The following KCNH5 variants were observed in gnomAD, a reference collection of about 807,000 sequenced individuals.
KCNH5 encodes potassium voltage-gated channel subfamily H member 5, also known as voltage-gated delayed rectifier potassium channel KCNH5.
KCNH5 carries 46 observed loss-of-function variants against 96.1 expected under a neutral mutation model. The observed-to-expected ratio is 0.48, with a 90% CI of 0.38 to 0.61. The LOEUF is 0.61. KCNH5 is among the 20% of genes least tolerant of loss of function. KCNH5 has a pLI of 0.00. For synonymous variants in KCNH5, 439 were observed against 449.8 expected (o/e 0.98, Z 0.30); for missense variants, 907 against 1,225.8 (o/e 0.74, Z 3.88).
chr14:62,833,719 T>C (rs537820113), intron 8 of KCNH5, among the ~76,000 whole-genome samples: 4 of 152,184 alleles, frequency 2.6e-5, no homozygotes, highest in African/African-American at 9.6e-5. Flanking sequence ...AAAGGAGAGA[T>C]CAAACTAATT....
intron 7 of KCNH5, among the ~76,000 whole-genome samples, chr14:62,921,955 A>G (rs1889387800): frequency 6.6e-6 from 1 of 152,084 alleles, no homozygotes; most frequent in South Asian, 2.1e-4. Context: ...AAAGCTTAAA[A>G]CATGCTTGCA....
chr14:62,858,944 A>G (rs566052738), intron 7 of KCNH5, among the ~76,000 whole-genome samples: 2 of 152,202 alleles, frequency 1.3e-5, no homozygotes, highest in South Asian at 4.1e-4. Flanking sequence ...TGGTAAGACC[A>G]GTGAATTCCA....
In KCNH5 at chr14:62,705,600, A is replaced by G. The variant is rs1323012064; in HGVS notation, c.*1908T>C. On this transcript the variant is annotated 3_prime_UTR_variant, in exon 11 of 11. Coordinates refer to ENST00000322893, the MANE Select transcript of KCNH5 (RefSeq NM_139318.5). ...ATGGTTAATGGAAGTTATACGCATA[A>G]AGAAAGGAAAATGGAGCCCATGGCT... The G allele has an allele frequency of 1.3e-5, 2 of 152,030 alleles. No homozygotes were observed. The highest frequency in any genetic ancestry group is 3.8e-4 in the East Asian group (2 of 5,198). The allele number at this position is 152,030 out of a possible 1,614,324, so 9.4% of individuals were successfully genotyped here. A position where few individuals can be genotyped will look rare whatever the true frequency, so the allele number is the denominator to read the frequency against.
At chr14:62,814,241 C>T (rs1366494211) in intron 8 of KCNH5, among the ~76,000 whole-genome samples, 2 of 152,092 alleles carry the variant, frequency 1.3e-5, no homozygotes, top group Non-Finnish European at 2.9e-5. Context: ...ATTAGTTTTG[C>T]AGTAACAACA....
intron 7 of KCNH5, among the ~76,000 whole-genome samples, chr14:62,875,907 T>C (rs7145082): frequency 0.19 from 29,099 of 152,088 alleles, 3,210 homozygotes; most frequent in East Asian, 0.28. Flanking sequence ...CTATGGCTCA[T>C]GCCTGTATCC....
chr14:63,000,778 A>G (rs2139590410), intron 4 of KCNH5, among the ~76,000 whole-genome samples: 1 of 152,318 alleles, frequency 6.6e-6, no homozygotes, highest in East Asian at 1.9e-4. Context: ...TATTGATTCA[A>G]AATTAACAAT....
At position 62,892,558 on chromosome 14, in the gene KCNH5, A is replaced by G. The variant is rs543574449; in HGVS notation, c.1370-42706T>C. Among the ~76,000 whole-genome samples, 4 of 152,372 alleles carry G rather than the reference A, an allele frequency of 2.6e-5. No individual in the cohort carries two copies. In the South Asian group the frequency reaches 6.2e-4, roughly 24 times the overall value. ...GGCTACACTAAACAACAAATTTTCA[A>G]TGTAAATGAAATGGCCCTCTTTTGG... On this transcript the variant is annotated intron_variant, in intron 7 of 10. Coordinates refer to ENST00000322893, the MANE Select transcript of KCNH5 (RefSeq NM_139318.5).
At chr14:62,745,287 A>C (rs1322740109) in intron 10 of KCNH5, among the ~76,000 whole-genome samples, 3 of 152,178 alleles carry the variant, frequency 2.0e-5, no homozygotes, top group Non-Finnish European at 4.4e-5. Context: ...GGCCTGTGTT[A>C]TCCTAAACAT....
chr14:63,022,421 T>G (rs1347568812), intron 1 of KCNH5, among the ~76,000 whole-genome samples: 2 of 152,158 alleles, frequency 1.3e-5, no homozygotes, highest in African/African-American at 4.8e-5. Flanking sequence ...CAATGGATTT[T>G]TTATACTGAA....
intron 10 of KCNH5, among the ~76,000 whole-genome samples, chr14:62,736,259 G>GT (rs1233674453): frequency 1.3e-5 from 2 of 152,124 alleles, no homozygotes; most frequent in African/African-American, 4.8e-5. Context: ...CTCTTAAACT[G>GT]TAAGTTAGAT....
At chr14:62,936,765 C>T (rs1889690827) in intron 7 of KCNH5, among the ~76,000 whole-genome samples, 1 of 151,360 alleles carries the variant, frequency 6.6e-6, no homozygotes, top group African/African-American at 2.4e-5. Context: ...ATCACGAGGT[C>T]AGGAGTTCAA....
At chr14:62,852,258 G>A (rs1373912695) in intron 7 of KCNH5, among the ~76,000 whole-genome samples, 1 of 152,084 alleles carries the variant, frequency 6.6e-6, no homozygotes, top group Non-Finnish European at 1.5e-5. Flanking sequence ...TTGCCCTATT[G>A]TGCTACTGAA....
chr14:62,847,153 T>TTA (rs556847691), intron 8 of KCNH5, among the ~76,000 whole-genome samples: 345 of 147,074 alleles, frequency 2.3e-3, no homozygotes, highest in Non-Finnish European at 2.9e-3. Flanking sequence ...TATATATTTT[T>TTA]TATATATATA....
intron 10 of KCNH5, among the ~76,000 whole-genome samples, chr14:62,778,685 T>A (rs1886148118): frequency 6.6e-6 from 1 of 152,276 alleles, no homozygotes; most frequent in Non-Finnish European, 1.5e-5. Flanking sequence ...AGTCTGTGTG[T>A]TCTCTACAGC....
chr14:62,896,763 T>A (rs1240596140), intron 7 of KCNH5, among the ~76,000 whole-genome samples: 1 of 152,182 alleles, frequency 6.6e-6, no homozygotes, highest in African/African-American at 2.4e-5. Context: ...GTCTTTTCAG[T>A]CCCAGTAACT....
At chr14:62,753,199 G>A (rs1357588035) in intron 10 of KCNH5, among the ~76,000 whole-genome samples, 1 of 152,138 alleles carries the variant, frequency 6.6e-6, no homozygotes, top group African/African-American at 2.4e-5. Flanking sequence ...GTTGAAAAAT[G>A]CAAATGACAT....
chr14:62,992,421 G>A (rs191254298), intron 4 of KCNH5, among the ~76,000 whole-genome samples: 1 of 152,090 alleles, frequency 6.6e-6, no homozygotes, highest in East Asian at 1.9e-4. Context: ...CATTGAGGTT[G>A]TACTAACCTA....
intron 10 of KCNH5, among the ~76,000 whole-genome samples, chr14:62,755,733 A>G (rs1885607935): frequency 6.6e-6 from 1 of 152,230 alleles, no homozygotes; most frequent in African/African-American, 2.4e-5. Context: ...GAATAATTCA[A>G]CAACACATTT....
intron 8 of KCNH5, among the ~76,000 whole-genome samples, chr14:62,815,156 A>C (rs1337636945): frequency 6.6e-6 from 1 of 152,218 alleles, no homozygotes; most frequent in African/African-American, 2.4e-5. Context: ...TCTCAACAAC[A>C]TAATGTTGAC....
Sources: gnomAD v4.1 joint callset for allele counts (sites outside exome capture counted in the v4.1 genomes callset) on GRCh38, gnomAD v4.1.1 for gene constraint, MANE v1.5 for transcripts, NCBI Gene and HGNC (gene_info 2026-07-23, HGNC 2026-07-21) for gene names.